Variants in CROT observed in about 807,000 individuals in gnomAD.
CROT encodes the protein peroxisomal carnitine O-octanoyltransferase.
Under a neutral mutation model 89.2 loss-of-function variants are expected in CROT, and 84 were observed. The observed-to-expected ratio is 0.94, with a 90% CI of 0.79 to 1.13. The LOEUF (loss-of-function observed/expected upper bound fraction) is 1.13, where lower values mean the gene tolerates loss of function less well. Among genes scored for constraint, CROT ranks in the 50% most tolerant of loss-of-function variants. The pLI, the probability that CROT is intolerant of heterozygous loss-of-function variation, is 0.00. For missense variants in CROT, 711 were observed against 727.8 expected (o/e 0.98, Z 0.27); for synonymous variants, 212 against 239.5 (o/e 0.89, Z 1.06).
intron 7 of CROT, among the ~76,000 whole-genome samples, chr7:87,372,762 C>T (rs1004532523): frequency 1.6e-4 from 24 of 152,102 alleles, no homozygotes; most frequent in South Asian, 4.2e-4. Flanking sequence ...AAGGTTCATC[C>T]GTGTTTTAGC....
At chr7:87,362,795 G>T in intron 6 of CROT, among the ~76,000 whole-genome samples, 1 of 152,046 alleles carries the variant, frequency 6.6e-6, no homozygotes, top group Middle Eastern at 3.2e-3. Flanking sequence ...TACATAAAAT[G>T]TTATTTAAAA....
chr7:87,348,941 T>C (rs975493496), intron 2 of CROT, 107 bp from the exon 3 acceptor site: 1 of 491,496 alleles, frequency 2.0e-6, no homozygotes, highest in African/African-American at 2.0e-5. Context: ...AAGTCCTAGA[T>C]ATGCTGTGGT....
chr7:87,370,550 A>G (rs188224038), intron 7 of CROT, among the ~76,000 whole-genome samples: 1 of 152,348 alleles, frequency 6.6e-6, no homozygotes, highest in East Asian at 1.9e-4. Context: ...ATTGTTGGGT[A>G]TATATATCTA....
intron 12 of CROT, 35 bp from the exon 13 acceptor site, chr7:87,382,378 A>AT (rs780261221): frequency 1.8e-5 from 29 of 1,600,548 alleles, no homozygotes; most frequent in Non-Finnish European, 8.5e-7. Flanking sequence ...TCCTTAGGTG[A>AT]TTTTTCACCG....
chr7:87,398,701 G>T lies in CROT; in HGVS notation c.*57G>T. 6.5e-7 allele frequency: 1 copy of T among 1,543,826 alleles called. No individual in the cohort carries two copies. Among genetic ancestry groups the T allele is most frequent in the South Asian group, 1.2e-5 (1 of 86,236 alleles). ...CATATCATTAAACTGAGTGCTGGGA[G>T]TGAGTTGGTAATATGAGATGGGAAG... On this transcript the variant is annotated 3_prime_UTR_variant, in exon 18 of 18. Coordinates refer to ENST00000331536, the MANE Select transcript of CROT (RefSeq NM_021151.4).
chr7:87,385,074 A>T (rs957365623), intron 13 of CROT, among the ~76,000 whole-genome samples: 1 of 149,468 alleles, frequency 6.7e-6, no homozygotes, highest in African/African-American at 2.5e-5. Context: ...TGCCAGTAAC[A>T]TGCTGTTTTG....
At position 87,392,934 on chromosome 7, in the gene CROT, A is replaced by T; in HGVS notation, c.1599-14A>T. Reference sequence around the variant, plus strand: ...TGTAGGCCTAGTAAAATGTTCTTTTATTGTGCCACACAGCGGAGGAGGTGG... The same window carrying T: ...TGTAGGCCTAGTAAAATGTTCTTTTTTTGTGCCACACAGCGGAGGAGGTGG... On this transcript the variant is annotated splice_polypyrimidine_tract_variant and intron_variant, in intron 16 of 17. Transcript: ENST00000331536. The T allele has an allele frequency of 6.2e-7, 1 of 1,613,184 alleles. No individual in the cohort carries two copies. Among genetic ancestry groups the T allele is most frequent in the Non-Finnish European group, 8.5e-7 (1 of 1,179,586 alleles).
chr7:87,390,542 G>C (rs1486702142), intron 13 of CROT, among the ~76,000 whole-genome samples: 4 of 152,166 alleles, frequency 2.6e-5, no homozygotes, highest in Non-Finnish European at 4.4e-5. Context: ...GAACAGAAGA[G>C]GCTTGAAAAC....
chr7:87,371,617 C>T (rs937649477), intron 7 of CROT, among the ~76,000 whole-genome samples: 1 of 152,168 alleles, frequency 6.6e-6, no homozygotes, highest in Non-Finnish European at 1.5e-5. Flanking sequence ...TCCACAGTGG[C>T]ATTGTTTTTT....
At chr7:87,351,310 A>C (rs1805861736) in intron 3 of CROT, among the ~76,000 whole-genome samples, 1 of 29,400 alleles carries the variant, frequency 3.4e-5, no homozygotes, top group Non-Finnish European at 6.8e-5. Context: ...CTCCATCTCA[A>C]AAAAAAAAAA....
At chr7:87,356,177 C>T (rs1806063225) in intron 3 of CROT, among the ~76,000 whole-genome samples, 1 of 152,050 alleles carries the variant, frequency 6.6e-6, no homozygotes, top group African/African-American at 2.4e-5. Context: ...GATGGGGTTT[C>T]ACCATGTTGC....
chr7:87,389,899 ATTT>A (rs576451533), intron 13 of CROT, among the ~76,000 whole-genome samples: 1 of 149,530 alleles, frequency 6.7e-6, no homozygotes, highest in African/African-American at 2.4e-5. Flanking sequence ...TTCACGCGGT[ATTT>A]TTTTTTTATA....
At chr7:87,385,033 TC>T (rs1197857609) in intron 13 of CROT, among the ~76,000 whole-genome samples, 1 of 152,208 alleles carries the variant, frequency 6.6e-6, no homozygotes, top group East Asian at 1.9e-4. Context: ...GGTTCTCTAT[TC>T]TGTTCCATTG....
chr7:87,373,312 G>A (rs867627585), intron 7 of CROT, among the ~76,000 whole-genome samples: 10 of 151,774 alleles, frequency 6.6e-5, no homozygotes, highest in African/African-American at 1.5e-4. Flanking sequence ...AATTGTAATC[G>A]TTCTTTAGAT....
intron 17 of CROT, among the ~76,000 whole-genome samples, chr7:87,396,574 A>G (rs1000998123): frequency 2.6e-5 from 4 of 152,106 alleles, no homozygotes; most frequent in African/African-American, 9.7e-5. Context: ...AAAGATAGAA[A>G]TTACAATGTA....
intron 7 of CROT, among the ~76,000 whole-genome samples, chr7:87,370,641 T>C (rs1806602290): frequency 6.6e-6 from 1 of 152,258 alleles, no homozygotes; most frequent in Non-Finnish European, 1.5e-5. Context: ...AATATTCATG[T>C]AACCTGCACC....
At chr7:87,378,689 A>T (rs1408216508) in intron 10 of CROT, among the ~76,000 whole-genome samples, 1 of 152,190 alleles carries the variant, frequency 6.6e-6, no homozygotes, top group Admixed American at 6.5e-5. Flanking sequence ...AATAATCCTC[A>T]TCAGTTGTGA....
chr7:87,388,265 A>G (rs572354745), intron 13 of CROT, among the ~76,000 whole-genome samples: 4 of 152,266 alleles, frequency 2.6e-5, no homozygotes. Flanking sequence ...AGAAAATTAA[A>G]AAAAAACTAC....
intron 7 of CROT, among the ~76,000 whole-genome samples, chr7:87,372,468 A>G (rs1806675671): frequency 6.6e-6 from 1 of 152,156 alleles, no homozygotes; most frequent in African/African-American, 2.4e-5. Flanking sequence ...ATTCAAAGCC[A>G]CTCTTCCAGA....
Sources: gnomAD v4.1 joint callset for allele counts (sites outside exome capture counted in the v4.1 genomes callset) on GRCh38, gnomAD v4.1.1 for gene constraint, MANE v1.5 for transcripts, NCBI Gene and HGNC (gene_info 2026-07-23, HGNC 2026-07-21) for gene names.